The following LGR5 variants were observed in gnomAD, a reference collection of about 807,000 sequenced individuals.
LGR5 encodes leucine-rich repeat-containing G protein-coupled receptor 5.
In LGR5, 54 loss-of-function variants were observed where a neutral mutation model predicts 76.7. The ratio of observed to expected loss-of-function variants is 0.70; its 90% confidence interval spans 0.57 to 0.88. The LOEUF (loss-of-function observed/expected upper bound fraction) is 0.88. Among genes scored for constraint, LGR5 ranks in the 40% least tolerant of loss-of-function variants. The probability of loss-of-function intolerance (pLI) is 0.00; values close to 1 mark genes in which losing one functional copy is unlikely to be tolerated. For missense variants in LGR5, 1,078 were observed against 1,073.3 expected (o/e 1.00, Z -0.06); for synonymous variants, 406 against 421.9 (o/e 0.96, Z 0.46).
chr12:71,455,782 T>C (rs943724379), intron 1 of LGR5, among the ~76,000 whole-genome samples: 1 of 152,184 alleles, frequency 6.6e-6, no homozygotes, highest in African/African-American at 2.4e-5. Flanking sequence ...TTTGGATGTA[T>C]GATACTCAAT....
chr12:71,501,233 T>C lies in LGR5; in HGVS notation c.213-3381T>C, dbSNP rs569206813. On this transcript the variant is annotated intron_variant, in intron 1 of 17. Transcript: ENST00000266674. ...TGCTATAGAAAAATAAAAGGAATGG[T>C]TTAAAAATAATTTAAGGGTCAGAAT... Among the ~76,000 whole-genome samples, 13 of 152,260 alleles carry C rather than the reference T, an allele frequency of 8.5e-5. 1 individual carries two copies. The East Asian group carries it at 2.5e-3, about 29-fold the overall frequency.
rs1052304162 is a variant in LGR5 at position 71,477,959 on chromosome 12, C to T, written c.213-26655C>T. Reference sequence around the variant, plus strand: ...ATCATCAATATGCGCTTCTTGAGTTCCCACCCATACCTCAGTTACTTTAAC... The same window carrying T: ...ATCATCAATATGCGCTTCTTGAGTTTCCACCCATACCTCAGTTACTTTAAC... On this transcript the variant is annotated intron_variant, in intron 1 of 17. Coordinates refer to ENST00000266674, the MANE Select transcript of LGR5 (RefSeq NM_003667.4). 3.9e-5 allele frequency among the ~76,000 whole-genome samples: 6 copies of T among 152,152 alleles called. No individual in the cohort carries two copies. The East Asian group carries it at 1.2e-3, about 29-fold the overall frequency.
intron 2 of LGR5, among the ~76,000 whole-genome samples, chr12:71,516,393 C>T (rs913756043): frequency 3.9e-5 from 6 of 152,062 alleles, no homozygotes; most frequent in Non-Finnish European, 8.8e-5. Context: ...TCTAGCCAGG[C>T]CCCCTCGCTT....
At position 71,583,991 on chromosome 12, in the gene LGR5, G is replaced by C; in HGVS notation, c.1981G>C (p.Glu661Gln). The change falls in exon 18 of 18, where the codon GAG (glutamate) becomes CAG (glutamine). Residue 661 changes from glutamate to glutamine, a missense_variant. Transcript: ENST00000266674. ...TTTCCTGCTTACTCTGGCAGCCCTG[G>C]AGCGTGGGTTCTCTGTGAAATATTC... ...SVFLLTLAAL[E>Q]RGFSVKYSAK... 1 of 1,614,174 alleles carries C rather than the reference G, an allele frequency of 6.2e-7. No homozygotes were observed. The highest frequency in any genetic ancestry group is 8.5e-7 in the Non-Finnish European group (1 of 1,180,038).
intron 1 of LGR5, among the ~76,000 whole-genome samples, chr12:71,466,526 T>C (rs1167782392): frequency 1.3e-5 from 2 of 152,154 alleles, no homozygotes; most frequent in East Asian, 1.9e-4. Context: ...ATGTAGCAGA[T>C]TAAATAAAAA....
In LGR5 at chr12:71,440,636, G is replaced by A. The variant is rs537887261; in HGVS notation, c.212+344G>A. ...AGTGGACATTTGTGACCCAGAGCCTGGTACCCAAAGGCAGGCTGCCATCTG... is the reference window on the plus strand; with the variant it reads ...AGTGGACATTTGTGACCCAGAGCCTAGTACCCAAAGGCAGGCTGCCATCTG... On this transcript the variant is annotated intron_variant, in intron 1 of 17. Coordinates refer to ENST00000266674, the MANE Select transcript of LGR5 (RefSeq NM_003667.4). The surrounding 1 kb of genome is among the most constrained non-coding windows in gnomAD (Gnocchi z 5.3). 1.3e-4 allele frequency among the ~76,000 whole-genome samples: 20 copies of A among 152,286 alleles called. No individual in the cohort carries two copies. The highest frequency in any genetic ancestry group is 4.8e-4 in the African/African-American group (20 of 41,578).
intron 2 of LGR5, among the ~76,000 whole-genome samples, chr12:71,523,066 C>T (rs1280821): frequency 0.21 from 31,395 of 152,098 alleles, 3,402 homozygotes; most frequent in Admixed American, 0.29. Context: ...TTTAAATACA[C>T]ATACCACAAA....
At chr12:71,549,288 G>A (rs1877357591) in intron 4 of LGR5, among the ~76,000 whole-genome samples, 1 of 121,220 alleles carries the variant, frequency 8.2e-6, no homozygotes, top group Non-Finnish European at 1.8e-5. Flanking sequence ...GCCAGGGGCT[G>A]GGAGTGGGAG....
At chr12:71,520,907 G>A (rs1174497155) in intron 2 of LGR5, among the ~76,000 whole-genome samples, 1 of 150,180 alleles carries the variant, frequency 6.7e-6, no homozygotes, top group Non-Finnish European at 1.5e-5. Flanking sequence ...AGTGTGGGAG[G>A]AAAATTTTAA....
chr12:71,523,879 T>C (rs2137341128), intron 2 of LGR5, among the ~76,000 whole-genome samples: 1 of 152,346 alleles, frequency 6.6e-6, no homozygotes, highest in African/African-American at 2.4e-5. Flanking sequence ...TTAAATCATG[T>C]TAAATTAAGG....
intron 1 of LGR5, among the ~76,000 whole-genome samples, chr12:71,464,386 A>G (rs7966194): frequency 0.027 from 4,057 of 152,296 alleles, 183 homozygotes; most frequent in African/African-American, 0.092. Context: ...CCGTGCCCAG[A>G]ATCAACTTTG....
Position 71,577,917 on chromosome 12 carries a change from T to C in LGR5, c.1209-8T>C. On this transcript the variant is annotated splice_region_variant and splice_polypyrimidine_tract_variant and intron_variant, in intron 13 of 17. Transcript: ENST00000266674. ...TATAATTCTCTCATTTGCCTTTTTT[T>C]ACAATAGGAATTTGGCTTGGAACAA... 1 of 1,603,812 alleles carries C rather than the reference T, an allele frequency of 6.2e-7. No individual in the cohort carries two copies.
At chr12:71,450,901 C>T (rs1425342325) in intron 1 of LGR5, among the ~76,000 whole-genome samples, 2 of 152,162 alleles carry the variant, frequency 1.3e-5, no homozygotes, top group African/African-American at 4.8e-5. Flanking sequence ...TCAATGGTGT[C>T]CTGTGATTTC....
intron 3 of LGR5, among the ~76,000 whole-genome samples, chr12:71,529,956 CAAA>C (rs34678480): frequency 1.1e-4 from 10 of 91,390 alleles, no homozygotes; most frequent in Admixed American, 1.2e-4. Context: ...ATTCTGTCTC[CAAA>C]AAAAAAAAAA....
At position 71,440,862 on chromosome 12, in the gene LGR5, C is replaced by T. The variant is rs959797858; in HGVS notation, c.212+570C>T. Among the ~76,000 whole-genome samples, 1 of 152,132 alleles carries T rather than the reference C, an allele frequency of 6.6e-6. No homozygotes were observed. Among genetic ancestry groups the T allele is most frequent in the African/African-American group, 2.4e-5 (1 of 41,422 alleles). On this transcript the variant is annotated intron_variant, in intron 1 of 17. Coordinates refer to ENST00000266674, the MANE Select transcript of LGR5 (RefSeq NM_003667.4). The surrounding 1 kb of genome is among the most constrained non-coding windows in gnomAD (Gnocchi z 5.3). ...TTCCTCCCTTCTTCCTTCCTTCCCT[C>T]CCTCCTTTCTTTTTATTTTCTTTCT...
intron 2 of LGR5, among the ~76,000 whole-genome samples, chr12:71,514,431 G>C (rs1292064678): frequency 6.6e-6 from 1 of 151,990 alleles, no homozygotes; most frequent in African/African-American, 2.4e-5. Context: ...AGCCGGGCGT[G>C]GTGGCGGGCG....
At chr12:71,536,810 A>T (rs1876614820) in intron 4 of LGR5, among the ~76,000 whole-genome samples, 2 of 152,238 alleles carry the variant, frequency 1.3e-5, no homozygotes, top group African/African-American at 4.8e-5. Context: ...TGCCTGCCTG[A>T]TAAAGGTGTT....
chr12:71,500,395 C>G (rs1209450351), intron 1 of LGR5, among the ~76,000 whole-genome samples: 1 of 152,004 alleles, frequency 6.6e-6, no homozygotes, highest in Admixed American at 6.6e-5. Flanking sequence ...AACTCCAGTG[C>G]CCACACTGGA....
At chr12:71,477,487 A>G (rs11831645) in intron 1 of LGR5, among the ~76,000 whole-genome samples, 1 of 148,710 alleles carries the variant, frequency 6.7e-6, no homozygotes. Flanking sequence ...TATGAAATAT[A>G]CTATGTATTA....
Sources: allele counts gnomAD v4.1 joint callset (sites outside exome capture counted in the v4.1 genomes callset), GRCh38; gene constraint gnomAD v4.1.1; non-coding constraint Gnocchi (gnomAD v3.1); transcripts MANE v1.5; gene names NCBI Gene and HGNC (gene_info 2026-07-23, HGNC 2026-07-21).